BRD10: variants seen among roughly 807,000 people sequenced by gnomAD.
The protein encoded by BRD10 is uncharacterized bromodomain-containing protein 10.
At chr9:5,930,372 TA>T in the BRD10 span, among the ~76,000 whole-genome samples, 29 of 25,442 alleles carry the variant, frequency 1.1e-3, no homozygotes, top group South Asian at 3.0e-3. Flanking sequence ...AAGGAGATTA[TA>T]TATATATATA....
the BRD10 span, among the ~76,000 whole-genome samples, chr9:5,960,321 G>A: frequency 1.3e-5 from 2 of 152,120 alleles, no homozygotes; most frequent in African/African-American, 2.4e-5. Flanking sequence ...CAGCACTTTG[G>A]GAGGCCGAGG....
the BRD10 span, among the ~76,000 whole-genome samples, chr9:5,971,051 T>TCAAA: frequency 7.8e-5 from 2 of 25,594 alleles, no homozygotes; most frequent in East Asian, 2.0e-3. Flanking sequence ...AAGCAACGTC[T>TCAAA]CAAAAAAAAA....
the BRD10 span, among the ~76,000 whole-genome samples, chr9:5,944,612 A>T: frequency 6.6e-6 from 1 of 152,246 alleles, no homozygotes; most frequent in East Asian, 1.9e-4. Context: ...ACAACCAGCC[A>T]GTATACTGGG....
chr9:5,915,450 A>G, the BRD10 span, among the ~76,000 whole-genome samples: 8 of 152,232 alleles, frequency 5.3e-5, no homozygotes, highest in East Asian at 1.5e-3. Context: ...CTTTGCTTCA[A>G]AAGCTTCAGT....
the BRD10 span, among the ~76,000 whole-genome samples, chr9:5,882,956 C>A: frequency 6.6e-6 from 1 of 151,878 alleles, no homozygotes; most frequent in Admixed American, 6.6e-5. Flanking sequence ...GGGAATTGAA[C>A]AATGAGAACA....
chr9:5,971,989 T>A, the BRD10 span, among the ~76,000 whole-genome samples: 1 of 152,232 alleles, frequency 6.6e-6, no homozygotes, highest in Non-Finnish European at 1.5e-5. Context: ...TCACATTTCC[T>A]GAGTGCCCAG....
the BRD10 span, among the ~76,000 whole-genome samples, chr9:5,887,335 G>C: frequency 6.6e-6 from 1 of 152,194 alleles, no homozygotes. Context: ...CCAGCATGCT[G>C]AGTCTGGTCC....
chr9:5,946,347 C>T, the BRD10 span, among the ~76,000 whole-genome samples: 1 of 151,964 alleles, frequency 6.6e-6, no homozygotes, highest in Admixed American at 6.6e-5. Flanking sequence ...AGAAATAATA[C>T]AATGATGTAG....
chr9:5,903,863 C>CT, the BRD10 span, among the ~76,000 whole-genome samples: 1,685 of 147,004 alleles, frequency 0.011, 17 homozygotes, highest in Non-Finnish European at 0.014. Flanking sequence ...TATGCACTTA[C>CT]TTTTTTTTTT....
chr9:5,890,651 C>A, the BRD10 span, among the ~76,000 whole-genome samples: 1 of 152,088 alleles, frequency 6.6e-6, no homozygotes, highest in Non-Finnish European at 1.5e-5. Context: ...CATGGCAATC[C>A]TATGGAGGAG....
chr9:5,922,623 G>A, the BRD10 span: 1 of 1,612,570 alleles, frequency 6.2e-7, no homozygotes. Flanking sequence ...TGAAGTGGTG[G>A]CACTTCTTTT....
At chr9:5,942,930 C>T in the BRD10 span, among the ~76,000 whole-genome samples, 2 of 152,094 alleles carry the variant, frequency 1.3e-5, no homozygotes, top group East Asian at 1.9e-4. Flanking sequence ...CAGGATGGAA[C>T]GCAGTGGCAT....
the BRD10 span, chr9:6,008,113 C>G: frequency 2.0e-6 from 2 of 984,278 alleles, no homozygotes; most frequent in African/African-American, 3.5e-5. Flanking sequence ...CTTCACCGGC[C>G]AGGCCCTGCC....
At chr9:5,946,919 T>G in the BRD10 span, among the ~76,000 whole-genome samples, 5 of 152,136 alleles carry the variant, frequency 3.3e-5, no homozygotes, top group African/African-American at 1.2e-4. Context: ...AACAGATATT[T>G]ATGTTCCATT....
At chr9:5,891,496 C>A in the BRD10 span, among the ~76,000 whole-genome samples, 4 of 152,178 alleles carry the variant, frequency 2.6e-5, no homozygotes, top group Non-Finnish European at 4.4e-5. Context: ...AATCCCCACT[C>A]TTCTGTCTCA....
At chr9:6,003,901 T>C in the BRD10 span, among the ~76,000 whole-genome samples, 3 of 152,232 alleles carry the variant, frequency 2.0e-5, no homozygotes, top group Admixed American at 2.0e-4. Context: ...TAATATTTTC[T>C]TCTCTCACCC....
chr9:5,898,369 C>A, the BRD10 span, among the ~76,000 whole-genome samples: 1 of 152,292 alleles, frequency 6.6e-6, no homozygotes, highest in East Asian at 1.9e-4. Flanking sequence ...TTATAACCAA[C>A]CTACTTTTGC....
At chr9:5,941,253 G>C in the BRD10 span, among the ~76,000 whole-genome samples, 3 of 151,954 alleles carry the variant, frequency 2.0e-5, no homozygotes, top group Non-Finnish European at 2.9e-5. Context: ...CTATCTTTCA[G>C]GAAAACTAAT....
At chr9:5,915,546 T>C in the BRD10 span, among the ~76,000 whole-genome samples, 7 of 152,284 alleles carry the variant, frequency 4.6e-5, no homozygotes, top group African/African-American at 1.7e-4. Context: ...TGGGTCCTCT[T>C]AACCTATAGC....
Sources: allele counts gnomAD v4.1 joint callset (sites outside exome capture counted in the v4.1 genomes callset), GRCh38; gene constraint gnomAD v4.1.1; transcripts MANE v1.5; gene names NCBI Gene and HGNC (gene_info 2026-07-23, HGNC 2026-07-21).